The following ZNF469 variants were observed in gnomAD, a reference collection of about 807,000 sequenced individuals.
ZNF469 encodes the protein zinc finger protein 469.
In ZNF469, 1 loss-of-function variant was observed where a neutral mutation model predicts 1.0. That is an observed-to-expected ratio of 1.00 (90% CI 0.35 to 4.73). ZNF469 has a LOEUF of 4.73. Among genes scored for constraint, ZNF469 ranks in the 30% most tolerant of loss-of-function variants. The pLI is 0.16. For synonymous variants in ZNF469, 2,703 were observed against 2,363.4 expected (o/e 1.14, Z -4.17); for missense variants, 6,100 against 5,356.3 (o/e 1.14, Z -4.33).
the ZNF469 span, among the ~76,000 whole-genome samples, chr16:88,233,308 G>A: frequency 2.6e-5 from 4 of 152,182 alleles, no homozygotes; most frequent in South Asian, 2.1e-4. Flanking sequence ...GGAGGAAATC[G>A]CCAACCTTCA....
chr16:88,185,019 A>G, the ZNF469 span, among the ~76,000 whole-genome samples: 1 of 151,774 alleles, frequency 6.6e-6, no homozygotes, highest in Non-Finnish European at 1.5e-5. Context: ...AGACATGGAT[A>G]CACACTCATA....
chr16:88,181,156 C>T, the ZNF469 span, among the ~76,000 whole-genome samples: 10 of 152,068 alleles, frequency 6.6e-5, no homozygotes, highest in Non-Finnish European at 1.0e-4. Flanking sequence ...CTGCAAGCTC[C>T]GCCTCCCAGC....
At chr16:88,283,974 CTGGT>C in the ZNF469 span, among the ~76,000 whole-genome samples, 1 of 114,242 alleles carries the variant, frequency 8.8e-6, no homozygotes, top group African/African-American at 3.6e-5. Context: ...TCTGTGGAGG[CTGGT>C]AGACCCCGAG....
chr16:88,236,370 A>G, the ZNF469 span, among the ~76,000 whole-genome samples: 2 of 152,248 alleles, frequency 1.3e-5, no homozygotes, highest in African/African-American at 4.8e-5. Flanking sequence ...TCTTATTGCT[A>G]CAAACAGCCT....
chr16:88,189,144 G>T, the ZNF469 span, among the ~76,000 whole-genome samples: 3 of 152,218 alleles, frequency 2.0e-5, no homozygotes, highest in African/African-American at 7.2e-5. This position sits in a 1 kb window ranked among gnomAD's most constrained non-coding sequence, Gnocchi z 4.3. Context: ...GCTCCTAACA[G>T]TCGGCTGCAC....
chr16:88,242,751 C>T, the ZNF469 span, among the ~76,000 whole-genome samples: 1 of 152,382 alleles, frequency 6.6e-6, no homozygotes, highest in Admixed American at 6.5e-5. Context: ...TGCCTGAAAG[C>T]ATGAGGCATC....
the ZNF469 span, among the ~76,000 whole-genome samples, chr16:88,265,834 C>A: frequency 6.6e-6 from 1 of 152,260 alleles, no homozygotes; most frequent in Non-Finnish European, 1.5e-5. Flanking sequence ...CTTCTCCACT[C>A]CCTTGGCTGC....
chr16:88,416,564 C>T (rs1905305797), intron 1 of ZNF469, among the ~76,000 whole-genome samples: 1 of 152,194 alleles, frequency 6.6e-6, no homozygotes, highest in South Asian at 2.1e-4. Flanking sequence ...TCTGGGTAGG[C>T]CCCAGAAAAG....
chr16:88,246,633 C>T, the ZNF469 span, among the ~76,000 whole-genome samples: 9 of 152,360 alleles, frequency 5.9e-5, no homozygotes, highest in African/African-American at 1.9e-4. Flanking sequence ...CAGGAATTTA[C>T]ATTTTCAACA....
chr16:88,439,568 G>C lies in ZNF469; in HGVS notation c.*236G>C, dbSNP rs1906858954. ...AAGACGGGGCCACTGCAGCCCTTTTGAGACCACACAGCTGTTTTCTTGGTA... is the reference window on the plus strand; with the variant it reads ...AAGACGGGGCCACTGCAGCCCTTTTCAGACCACACAGCTGTTTTCTTGGTA... On this transcript the variant is annotated 3_prime_UTR_variant, in exon 3 of 3. Transcript: ENST00000565624. 3.5e-6 allele frequency: 2 copies of C among 573,510 alleles called. No homozygotes were observed. Among genetic ancestry groups the C allele is most frequent in the Non-Finnish European group, 6.2e-6 (2 of 321,994 alleles). The allele number at this position is 573,510 out of a possible 1,614,324, so 35.5% of individuals were successfully genotyped here. A position where few individuals can be genotyped will look rare whatever the true frequency, so the allele number is the denominator to read the frequency against.
intron 1 of ZNF469, among the ~76,000 whole-genome samples, chr16:88,419,554 G>A (rs972295158): frequency 1.1e-4 from 16 of 152,280 alleles, no homozygotes; most frequent in African/African-American, 3.8e-4. Context: ...TCCAGGGTGG[G>A]ACAGGTGGGG....
At chr16:88,349,903 A>ACCACT in the ZNF469 span, among the ~76,000 whole-genome samples, 1 of 3,562 alleles carries the variant, frequency 2.8e-4, no homozygotes, top group Non-Finnish European at 8.6e-4. Flanking sequence ...CACACATCAC[A>ACCACT]CACAATACAC....
At chr16:88,393,446 G>T (rs1904545118) in intron 1 of ZNF469, among the ~76,000 whole-genome samples, 1 of 152,342 alleles carries the variant, frequency 6.6e-6, no homozygotes, top group South Asian at 2.1e-4. Context: ...GGTGCCTGGG[G>T]AATAATTAGA....
Position 88,435,578 on chromosome 16 carries a change from TGGA to T in ZNF469, c.8111_8113del (p.Glu2704del). On this transcript the variant is annotated inframe_deletion, in exon 3 of 3. Transcript: ENST00000565624. ...TTGGCCACTCTGGGACCTGGGGTGA[TGGA>T]GGGTGCAGCGGAGACTGACCAGGAG... is the stretch of plus-strand genomic sequence containing the variant. 6.5e-7 allele frequency: 1 copy of T among 1,549,902 alleles called. No individual in the cohort carries two copies. Among genetic ancestry groups the T allele is most frequent in the Non-Finnish European group, 8.7e-7 (1 of 1,146,940 alleles).
At chr16:88,425,032 C>T (rs1403504978) in intron 2 of ZNF469, among the ~76,000 whole-genome samples, 161 bp downstream of exon 2, 7 of 152,160 alleles carry the variant, frequency 4.6e-5, no homozygotes, top group African/African-American at 1.4e-4. Context: ...TGGGGCCCGC[C>T]GGGCAGGGCT....
At chr16:88,249,718 G>C in the ZNF469 span, among the ~76,000 whole-genome samples, 1 of 151,922 alleles carries the variant, frequency 6.6e-6, no homozygotes, top group African/African-American at 2.4e-5. Flanking sequence ...TTACAGGCGT[G>C]AGCCACCACG....
rs1381048383 is a variant in ZNF469, at chr16:88,430,853, A to T, written c.3383A>T (p.Gln1128Leu). ...AAGAGGAAGGAAGTGGAGCTGACCC[A>T]GGGTCCCAGAGAGGATGAGCCACAG... is the stretch of plus-strand genomic sequence containing the variant. ...GEKRKEVELT[Q>L]GPREDEPQKP... Residue 1128 changes from glutamine to leucine, a missense_variant, in exon 3 of 3, where the codon CAG (glutamine) becomes CTG (leucine). Gln to Leu is a moderately radical substitution (Grantham distance 113). Coordinates refer to ENST00000565624, the MANE Select transcript of ZNF469 (RefSeq NM_001367624.2). 6.5e-7 allele frequency: 1 copy of T among 1,536,444 alleles called. No individual in the cohort carries two copies. The highest frequency in any genetic ancestry group is 1.2e-5 in the South Asian group (1 of 84,010).
At chr16:88,401,378 G>C (rs188683500) in intron 1 of ZNF469, among the ~76,000 whole-genome samples, 5 of 149,640 alleles carry the variant, frequency 3.3e-5, no homozygotes, top group Admixed American at 2.0e-4. Flanking sequence ...CCGAGGGCTA[G>C]AATAGAGTAC....
At chr16:88,196,295 G>A in the ZNF469 span, among the ~76,000 whole-genome samples, 34 of 152,326 alleles carry the variant, frequency 2.2e-4, 1 homozygote, top group Admixed American at 8.5e-4. Context: ...AAGGAGAGAG[G>A]TGGCCTGGGT....
Sources: gnomAD v4.1 joint callset for allele counts (sites outside exome capture counted in the v4.1 genomes callset) on GRCh38, gnomAD v4.1.1 for gene constraint, Gnocchi (gnomAD v3.1) non-coding constraint, MANE v1.5 for transcripts, NCBI Gene and HGNC (gene_info 2026-07-23, HGNC 2026-07-21) for gene names.